The following PRKACB variants were observed in gnomAD, a reference collection of about 807,000 sequenced individuals.
PRKACB encodes cAMP-dependent protein kinase catalytic subunit beta.
Under a neutral mutation model 51.4 loss-of-function variants are expected in PRKACB, and 16 were observed. The observed-to-expected ratio is 0.31, with a 90% CI of 0.21 to 0.47. The LOEUF is 0.47. PRKACB is among the 20% of genes least tolerant of loss of function. The pLI is 1.00. For synonymous variants in PRKACB, 147 were observed against 154.4 expected, an observed-to-expected ratio of 0.95 and a Z score of 0.35; for missense variants, 309 against 464.5, an observed-to-expected ratio of 0.67 and a Z score of 3.08.
At chr1:84,177,224 G>T (rs2100912796) in intron 1 of PRKACB, among the ~76,000 whole-genome samples, 1 of 152,100 alleles carries the variant, frequency 6.6e-6, no homozygotes, top group Non-Finnish European at 1.5e-5. Context: ...TATATTTTGG[G>T]AATCACAAGT....
chr1:84,096,534 G>T (rs1238833440), intron 1 of PRKACB, among the ~76,000 whole-genome samples: 1 of 152,068 alleles, frequency 6.6e-6, no homozygotes, highest in Non-Finnish European at 1.5e-5. Context: ...TTGAGGAAAT[G>T]CCCTGAGGGC....
chr1:84,183,293 T>G (rs34390740), intron 3 of PRKACB, among the ~76,000 whole-genome samples: 323 of 152,116 alleles, frequency 2.1e-3, no homozygotes, highest in Middle Eastern at 6.8e-3. Context: ...ACAGTCTTCG[T>G]GAAGTCAAGA....
intron 8 of PRKACB, among the ~76,000 whole-genome samples, chr1:84,212,117 A>T (rs1266185123): frequency 6.6e-6 from 1 of 152,166 alleles, no homozygotes; most frequent in Non-Finnish European, 1.5e-5. Flanking sequence ...AAATGTTATG[A>T]TCTTTTACTA....
intron 1 of PRKACB, among the ~76,000 whole-genome samples, chr1:84,149,668 AATTT>A (rs1268610192): frequency 1.3e-5 from 2 of 152,156 alleles, no homozygotes; most frequent in Admixed American, 6.6e-5. Context: ...GATATACTAT[AATTT>A]ATTTAACCAA....
chr1:84,127,662 A>G (rs1052090928), intron 1 of PRKACB, among the ~76,000 whole-genome samples: 10 of 151,574 alleles, frequency 6.6e-5, no homozygotes, highest in African/African-American at 2.2e-4. Context: ...CTTATATTTG[A>G]TAGCTATAGA....
chr1:84,208,082 G>A (rs1422777089), intron 8 of PRKACB, among the ~76,000 whole-genome samples: 1 of 152,102 alleles, frequency 6.6e-6, no homozygotes, highest in Non-Finnish European at 1.5e-5. Context: ...TGGCCAGGCT[G>A]GTTTTGAAAT....
chr1:84,215,749 T>C (rs1019235441), intron 9 of PRKACB, among the ~76,000 whole-genome samples: 2 of 152,214 alleles, frequency 1.3e-5, no homozygotes, highest in African/African-American at 2.4e-5. Flanking sequence ...ACTTTTGTAA[T>C]AATTTGAGAC....
At chr1:84,181,651 G>A in intron 2 of PRKACB, 2 of 1,469,676 alleles carry the variant, frequency 1.4e-6, no homozygotes, top group Non-Finnish European at 1.8e-6. Flanking sequence ...AAAGCCACTA[G>A]GCTCTCTCAT....
chr1:84,223,793 T>A (rs1417693308), intron 9 of PRKACB, among the ~76,000 whole-genome samples: 1 of 152,240 alleles, frequency 6.6e-6, no homozygotes, highest in Admixed American at 6.5e-5. Context: ...TTTAATATCA[T>A]TAGTTTGAAT....
intron 7 of PRKACB, among the ~76,000 whole-genome samples, chr1:84,199,325 T>C (rs1413208055): frequency 6.6e-6 from 1 of 151,870 alleles, no homozygotes; most frequent in South Asian, 2.1e-4. Flanking sequence ...TCAAGTAGAA[T>C]CCAGTATCTG....
intron 1 of PRKACB, among the ~76,000 whole-genome samples, chr1:84,131,680 AAATCCAG>A (rs1571718075): frequency 6.6e-6 from 1 of 152,340 alleles, no homozygotes; most frequent in East Asian, 1.9e-4. Context: ...AGAGAAAAGC[AAATCCAG>A]AGACTCATGG....
intron 1 of PRKACB, among the ~76,000 whole-genome samples, chr1:84,108,982 A>T (rs1650000645): frequency 6.6e-6 from 1 of 152,046 alleles, no homozygotes; most frequent in South Asian, 2.1e-4. Context: ...TTATAAATGT[A>T]ATCACACAAC....
intron 1 of PRKACB, among the ~76,000 whole-genome samples, chr1:84,091,714 G>A (rs1003701426): frequency 6.6e-6 from 1 of 151,888 alleles, no homozygotes; most frequent in Non-Finnish European, 1.5e-5. Flanking sequence ...CATGTTGCCC[G>A]GCCTGGTCTT....
intron 1 of PRKACB, among the ~76,000 whole-genome samples, chr1:84,174,838 A>G (rs911894765): frequency 1.3e-5 from 2 of 151,878 alleles, no homozygotes; most frequent in Non-Finnish European, 2.9e-5. Context: ...TTTTGGCACT[A>G]AACAATAGTT....
chr1:84,135,006 G>A (rs1012341073), intron 1 of PRKACB, among the ~76,000 whole-genome samples: 3 of 152,108 alleles, frequency 2.0e-5, no homozygotes, highest in Admixed American at 6.5e-5. Flanking sequence ...TTTAAGGCAA[G>A]CTATGCATTG....
rs777544301 is a variant in PRKACB, at chr1:84,236,813, G to A, written c.*1508G>A. 1.3e-5 allele frequency: 2 copies of A among 152,378 alleles called. No homozygotes were observed. The highest frequency in any genetic ancestry group is 2.9e-5 in the Non-Finnish European group (2 of 67,974). 9.4% of individuals were successfully genotyped at this position (152,378 alleles called of 1,614,324 possible). A position where few individuals can be genotyped will look rare whatever the true frequency, so the allele number is the denominator to read the frequency against. The stretch of plus-strand genomic sequence containing the variant: ...TTTCCCCATCTGATTTTATCTCTGC[G>A]TTTCAGTGACCTACCTTAAAACAAC... On this transcript the variant is annotated 3_prime_UTR_variant, in exon 10 of 10. Coordinates refer to ENST00000370685, the MANE Select transcript of PRKACB (RefSeq NM_182948.4).
chr1:84,165,425 G>T (rs150364468), intron 1 of PRKACB, among the ~76,000 whole-genome samples: 30 of 151,738 alleles, frequency 2.0e-4, no homozygotes, highest in African/African-American at 7.2e-4. Flanking sequence ...ATTTTTATTA[G>T]ATTTTTTAAA....
intron 2 of PRKACB, among the ~76,000 whole-genome samples, chr1:84,180,201 T>TATATATATATATATATATATATATAAAG (rs1662888468): frequency 8.3e-6 from 1 of 119,938 alleles, no homozygotes; most frequent in African/African-American, 2.9e-5. Context: ...TATATATATA[T>TATATATATATATATATATATATATAAAG]ATATATATGT....
At chr1:84,128,209 A>G (rs1651824200) in intron 1 of PRKACB, among the ~76,000 whole-genome samples, 1 of 151,726 alleles carries the variant, frequency 6.6e-6, no homozygotes, top group Non-Finnish European at 1.5e-5. Flanking sequence ...GGGTTCCACC[A>G]TGTTGGTTAG....
Sources: allele counts gnomAD v4.1 joint callset (sites outside exome capture counted in the v4.1 genomes callset), GRCh38; gene constraint gnomAD v4.1.1; transcripts MANE v1.5; gene names NCBI Gene and HGNC (gene_info 2026-07-23, HGNC 2026-07-21).